FHOD3: variants seen among roughly 807,000 people sequenced by gnomAD.
FHOD3 encodes FH1/FH2 domain-containing protein 3.
In FHOD3, 90 loss-of-function variants were observed where a neutral mutation model predicts 173.0. The observed-to-expected ratio is 0.52, with a 90% confidence interval of 0.44 to 0.62. The LOEUF (loss-of-function observed/expected upper bound fraction) is 0.62, where lower values mean the gene tolerates loss of function less well. Among genes scored for constraint, FHOD3 ranks in the 20% least tolerant of loss-of-function variants. FHOD3 has a pLI of 0.00. For synonymous variants in FHOD3, 828 were observed against 823.0 expected, an observed-to-expected ratio of 1.01 and a Z score of -0.10; for missense variants, 1,945 against 2,034.7, an observed-to-expected ratio of 0.96 and a Z score of 0.85.
chr18:36,535,655 C>CT (rs1219350192), intron 5 of FHOD3, among the ~76,000 whole-genome samples: 1 of 152,102 alleles, frequency 6.6e-6, no homozygotes, highest in Non-Finnish European at 1.5e-5. Flanking sequence ...ACATTGAGTG[C>CT]TGGCTTAGTT....
At chr18:36,484,343 G>A (rs959249260) in intron 3 of FHOD3, among the ~76,000 whole-genome samples, 2 of 150,036 alleles carry the variant, frequency 1.3e-5, no homozygotes, top group Admixed American at 6.6e-5. Context: ...AAGGTAGGAT[G>A]TGCGTGGACT....
intron 5 of FHOD3, among the ~76,000 whole-genome samples, chr18:36,513,893 T>C (rs1325637768): frequency 1.3e-5 from 2 of 152,062 alleles, no homozygotes; most frequent in Non-Finnish European, 2.9e-5. Context: ...GCAGCAGTGT[T>C]TGTGGGGCTG....
At chr18:36,594,230 A>C (rs2029908744) in intron 6 of FHOD3, among the ~76,000 whole-genome samples, 1 of 151,996 alleles carries the variant, frequency 6.6e-6, no homozygotes, top group Non-Finnish European at 1.5e-5. Flanking sequence ...GCTCCTGGCA[A>C]ATGCTGAGCC....
intron 10 of FHOD3, among the ~76,000 whole-genome samples, chr18:36,642,730 A>G (rs1288419903): frequency 6.6e-6 from 1 of 152,126 alleles, no homozygotes; most frequent in African/African-American, 2.4e-5. Flanking sequence ...TTACGAATAT[A>G]ATAGAACATC....
intron 5 of FHOD3, among the ~76,000 whole-genome samples, chr18:36,575,127 C>T (rs1211264924): frequency 6.6e-6 from 1 of 152,068 alleles, no homozygotes; most frequent in East Asian, 1.9e-4. Context: ...TGCACCACCA[C>T]ACCCATCTAA....
chr18:36,480,424 T>C (rs1568328518), intron 3 of FHOD3, among the ~76,000 whole-genome samples: 1 of 152,240 alleles, frequency 6.6e-6, no homozygotes, highest in Non-Finnish European at 1.5e-5. Flanking sequence ...AGCTGAAATG[T>C]CTACCCAGAA....
intron 5 of FHOD3, among the ~76,000 whole-genome samples, chr18:36,544,990 A>G (rs918769876): frequency 1.3e-5 from 2 of 152,192 alleles, no homozygotes; most frequent in African/African-American, 2.4e-5. Context: ...CTAGGGTAAT[A>G]CTGACTACCT....
intron 3 of FHOD3, among the ~76,000 whole-genome samples, chr18:36,488,692 A>T (rs1270328103): frequency 1.3e-5 from 2 of 152,140 alleles, no homozygotes; most frequent in Admixed American, 1.3e-4. Context: ...TGGCTTCAGG[A>T]TGTTGGAATG....
intron 5 of FHOD3, among the ~76,000 whole-genome samples, chr18:36,552,502 C>CTTT (rs200765398): frequency 7.0e-5 from 10 of 142,076 alleles, no homozygotes; most frequent in African/African-American, 2.6e-4. Flanking sequence ...TTTTCTTTTT[C>CTTT]TTTTTTTTTT....
intron 4 of FHOD3, among the ~76,000 whole-genome samples, chr18:36,503,624 G>T (rs953537640): frequency 6.6e-6 from 1 of 152,272 alleles, no homozygotes; most frequent in Middle Eastern, 3.4e-3. Flanking sequence ...AATGCCTTGG[G>T]GTTTAGAGGT....
intron 7 of FHOD3, among the ~76,000 whole-genome samples, chr18:36,601,994 T>A (rs2031453940): frequency 6.6e-6 from 1 of 152,210 alleles, no homozygotes; most frequent in South Asian, 2.1e-4. Context: ...CAGTCATCCC[T>A]GCTGCAAGAG....
chr18:36,569,293 C>T (rs939987293), intron 5 of FHOD3, among the ~76,000 whole-genome samples: 10 of 152,104 alleles, frequency 6.6e-5, no homozygotes, highest in African/African-American at 2.4e-4. Context: ...AAAAAACATG[C>T]AAACACTAAT....
At chr18:36,591,005 C>A (rs995369195) in intron 6 of FHOD3, among the ~76,000 whole-genome samples, 2 of 152,122 alleles carry the variant, frequency 1.3e-5, no homozygotes, top group South Asian at 2.1e-4. Context: ...CCTGGGGAGG[C>A]ATTTAGAGGC....
chr18:36,394,647 C>T (rs1318936103), intron 3 of FHOD3, among the ~76,000 whole-genome samples: 1 of 152,220 alleles, frequency 6.6e-6, no homozygotes. Flanking sequence ...CACGGGTGTT[C>T]TCTTTAGCTT....
At chr18:36,462,738 C>T (rs1345187475) in intron 3 of FHOD3, among the ~76,000 whole-genome samples, 1 of 152,212 alleles carries the variant, frequency 6.6e-6, no homozygotes, top group Admixed American at 6.5e-5. Context: ...GAACCTCTTG[C>T]CTCAACCACC....
At chr18:36,625,353 CAT>C (rs983746759) in intron 9 of FHOD3, among the ~76,000 whole-genome samples, 156 bp from the exon 10 acceptor site, 5 of 152,200 alleles carry the variant, frequency 3.3e-5, no homozygotes, top group African/African-American at 4.8e-5. Flanking sequence ...GGCTTGGACA[CAT>C]GTGGTTGTGA....
intron 3 of FHOD3, among the ~76,000 whole-genome samples, chr18:36,486,320 A>G (rs1254073515): frequency 2.0e-5 from 3 of 152,114 alleles, no homozygotes; most frequent in Admixed American, 6.5e-5. Flanking sequence ...CAATGCATTC[A>G]TGGTCAGTAA....
chr18:36,545,787 T>C (rs2057387816), intron 5 of FHOD3, among the ~76,000 whole-genome samples: 1 of 152,206 alleles, frequency 6.6e-6, no homozygotes, highest in South Asian at 2.1e-4. Context: ...AAATGAACTG[T>C]TGAATTGTTG....
intron 3 of FHOD3, among the ~76,000 whole-genome samples, chr18:36,454,173 C>T (rs1408681684): frequency 2.0e-5 from 3 of 151,958 alleles, no homozygotes; most frequent in Non-Finnish European, 2.9e-5. Context: ...GTCCTGAGGT[C>T]GACCCTCACA....
Sources: allele counts gnomAD v4.1 joint callset (sites outside exome capture counted in the v4.1 genomes callset), GRCh38; gene constraint gnomAD v4.1.1; transcripts MANE v1.5; gene names NCBI Gene and HGNC (gene_info 2026-07-23, HGNC 2026-07-21).